The following ZFHX3 variants were observed in gnomAD, a reference collection of about 807,000 sequenced individuals.
The protein encoded by ZFHX3 is zinc finger homeobox protein 3.
A neutral mutation model predicts 279.1 loss-of-function variants in ZFHX3; 42 were observed. That is an observed-to-expected ratio of 0.15 (90% CI 0.12 to 0.19). ZFHX3 has a LOEUF of 0.19. Among genes scored for constraint, ZFHX3 ranks in the 10% least tolerant of loss-of-function variants. The probability of loss-of-function intolerance (pLI) is 1.00; values close to 1 mark genes in which losing one functional copy is unlikely to be tolerated. For missense variants in ZFHX3, 4,981 were observed against 4,754.0 expected (o/e 1.05, Z -1.40); for synonymous variants, 2,293 against 1,957.8 (o/e 1.17, Z -4.52).
chr16:73,083,225 C>G (rs1352966645), intron 8 of ZFHX3: 1 of 152,422 alleles, frequency 6.6e-6, no homozygotes, highest in African/African-American at 2.4e-5. Flanking sequence ...ACAAAAAAAC[C>G]CCAACACCTT....
At chr16:73,105,396 T>TATATATATATACACACAC (rs1567389819) in intron 7 of ZFHX3, among the ~76,000 whole-genome samples, 112 of 33,058 alleles carry the variant, frequency 3.4e-3, no homozygotes, top group African/African-American at 9.3e-3. Flanking sequence ...CACACACACA[T>TATATATATATACACACAC]ATATATATAT....
chr16:73,133,045 T>C (rs996840280), intron 6 of ZFHX3, among the ~76,000 whole-genome samples: 6 of 152,190 alleles, frequency 3.9e-5, no homozygotes, highest in African/African-American at 1.4e-4. Context: ...GGGAGGCCCC[T>C]GGGGTGTTTT....
chr16:73,069,291 C>T (rs892843193), intron 8 of ZFHX3, among the ~76,000 whole-genome samples: 3 of 152,180 alleles, frequency 2.0e-5, no homozygotes, highest in African/African-American at 7.2e-5. Context: ...TACACTTGTG[C>T]ATACTGACTG....
intron 5 of ZFHX3, among the ~76,000 whole-genome samples, chr16:72,828,578 CAT>C (rs1012250865): frequency 2.6e-5 from 4 of 152,214 alleles, no homozygotes; most frequent in Admixed American, 2.0e-4. Flanking sequence ...GATTTCAGCA[CAT>C]GAGTGCTCAC....
intron 3 of ZFHX3, among the ~76,000 whole-genome samples, chr16:73,405,309 G>C (rs2143443951): frequency 6.6e-6 from 1 of 152,300 alleles, no homozygotes; most frequent in East Asian, 1.9e-4. Flanking sequence ...TACCAAGAAG[G>C]ACTAAGGCTT....
At chr16:73,643,677 A>AGT (rs2052593300) in intron 2 of ZFHX3, among the ~76,000 whole-genome samples, 1 of 152,212 alleles carries the variant, frequency 6.6e-6, no homozygotes, top group Non-Finnish European at 1.5e-5. Context: ...ATTGACATCA[A>AGT]GTCCAGGCTA....
chr16:72,964,433 T>C (rs1396386856), intron 1 of ZFHX3, among the ~76,000 whole-genome samples: 1 of 152,124 alleles, frequency 6.6e-6, no homozygotes, highest in Admixed American at 6.5e-5. Context: ...ATATAGGTAT[T>C]ATGGAGAGGA....
chr16:73,501,062 G>A (rs892537789), intron 2 of ZFHX3, among the ~76,000 whole-genome samples: 2 of 152,198 alleles, frequency 1.3e-5, no homozygotes, highest in South Asian at 2.1e-4. Context: ...TCTTTTAAAC[G>A]ATATTTTGTA....
intron 1 of ZFHX3, among the ~76,000 whole-genome samples, chr16:73,847,791 A>G (rs1597142075): frequency 6.6e-6 from 1 of 151,846 alleles, no homozygotes. Context: ...AGGGTGGAGT[A>G]CAGTGGCACA....
Position 73,662,000 on chromosome 16 carries a change from G to T in ZFHX3, c.-1547+18180C>A, listed in dbSNP as rs1195208283. ...TTTTTTTTTTAAGGATAGACACAAC[G>T]GACCAATTTTTTTTTTTTTTAAGAA... On this transcript the variant is annotated intron_variant, in intron 2 of 17. Transcript: ENST00000641206. Among the ~76,000 whole-genome samples the T allele has an allele frequency of 1.1e-4, 12 of 109,080 alleles. No homozygotes were observed. In the Admixed American group the frequency reaches 1.3e-3, roughly 12 times the overall value. The allele number at this position is 109,080 out of a possible 152,430, so 71.6% of individuals were successfully genotyped here. A position where few individuals can be genotyped will look rare whatever the true frequency, so the allele number is the denominator to read the frequency against.
Position 73,758,267 on chromosome 16 carries a change from A to T in ZFHX3, c.-1607-78027T>A, listed in dbSNP as rs548515177. ...ATTCATTCATTCATTCATTCAACAG[A>T]TATTAAATACCGACTCTAAGTGAGG... On this transcript the variant is annotated intron_variant, in intron 1 of 17. Coordinates refer to the ZFHX3 transcript ENST00000641206. 3.3e-5 allele frequency among the ~76,000 whole-genome samples: 5 copies of T among 152,160 alleles called. No homozygotes were observed. In the South Asian group the frequency reaches 1.0e-3, roughly 32 times the overall value.
At chr16:73,271,915 T>C (rs754762877) in intron 4 of ZFHX3, among the ~76,000 whole-genome samples, 1 of 152,214 alleles carries the variant, frequency 6.6e-6, no homozygotes, top group Non-Finnish European at 1.5e-5. Flanking sequence ...GACAAGGTTT[T>C]ACACCCTTCT....
chr16:73,466,180 GAA>G (rs11361159), intron 2 of ZFHX3, among the ~76,000 whole-genome samples: 60 of 150,124 alleles, frequency 4.0e-4, no homozygotes, highest in African/African-American at 1.3e-3. Context: ...TCAATCGCAT[GAA>G]AAAAAAAAAT....
At chr16:73,608,352 A>G (rs1405962700) in intron 2 of ZFHX3, among the ~76,000 whole-genome samples, 1 of 152,206 alleles carries the variant, frequency 6.6e-6, no homozygotes, top group African/African-American at 2.4e-5. Context: ...AAGAGATTCT[A>G]ACTCACACTT....
intron 1 of ZFHX3, among the ~76,000 whole-genome samples, chr16:72,991,189 C>A (rs1963077232): frequency 6.6e-6 from 1 of 152,126 alleles, no homozygotes; most frequent in African/African-American, 2.4e-5. Context: ...CCATAACTGT[C>A]ATTACAGGAT....
chr16:73,320,344 G>T (rs746595734), intron 3 of ZFHX3, among the ~76,000 whole-genome samples: 2 of 152,166 alleles, frequency 1.3e-5, no homozygotes, highest in Non-Finnish European at 2.9e-5. Context: ...ATGAGCTGTG[G>T]CTATAACCAA....
intron 2 of ZFHX3, among the ~76,000 whole-genome samples, chr16:73,614,080 T>G (rs532854056): frequency 6.6e-6 from 1 of 152,342 alleles, no homozygotes; most frequent in South Asian, 2.1e-4. Flanking sequence ...GGTAATATCC[T>G]TGGTGATATC....
chr16:73,130,384 C>A (rs1966657299), intron 7 of ZFHX3, among the ~76,000 whole-genome samples: 1 of 152,146 alleles, frequency 6.6e-6, no homozygotes, highest in African/African-American at 2.4e-5. Context: ...ATGCTTTCAT[C>A]CTTTTGGTCT....
chr16:73,856,112 T>C (rs1961720723), intron 1 of ZFHX3, among the ~76,000 whole-genome samples: 1 of 152,208 alleles, frequency 6.6e-6, no homozygotes, highest in Non-Finnish European at 1.5e-5. Context: ...AAGACTTATG[T>C]ACATTTTGAT....
Sources: allele counts gnomAD v4.1 joint callset (sites outside exome capture counted in the v4.1 genomes callset), GRCh38; gene constraint gnomAD v4.1.1; transcripts MANE v1.5; gene names NCBI Gene and HGNC (gene_info 2026-07-23, HGNC 2026-07-21).